The following ARHGAP22 variants were observed in gnomAD, a reference collection of about 807,000 sequenced individuals.
ARHGAP22 encodes rho GTPase-activating protein 22.
ARHGAP22 carries 48 observed loss-of-function variants against 59.1 expected under a neutral mutation model. The ratio of observed to expected loss-of-function variants is 0.81; its 90% CI spans 0.64 to 1.03. ARHGAP22 has a LOEUF of 1.03. ARHGAP22 is among the 50% of genes least tolerant of loss of function. The probability of loss-of-function intolerance (pLI) is 0.00; values close to 1 mark genes in which losing one functional copy is unlikely to be tolerated. For synonymous variants in ARHGAP22, 445 were observed against 416.4 expected (o/e 1.07, Z -0.84); for missense variants, 1,015 against 958.7 (o/e 1.06, Z -0.78).
rs77141042 is a variant in ARHGAP22 at position 48,590,694 on chromosome 10, C to T, written c.35-7542G>A. Reference sequence around the variant, plus strand: ...GGGCCATCTGGCCTGTGAGGGAGGACGTGGGCTGCACGCCTTCCCAGTCAC... The same window carrying T: ...GGGCCATCTGGCCTGTGAGGGAGGATGTGGGCTGCACGCCTTCCCAGTCAC... On this transcript the variant is annotated intron_variant, in intron 1 of 9. Transcript: ENST00000249601. Among the ~76,000 whole-genome samples, 1,070 of 152,280 alleles carry T rather than the reference C, an allele frequency of 7.0e-3. 9 individuals carry two copies. Among genetic ancestry groups the T allele is most frequent in the African/African-American group, 0.024 (993 of 41,554 alleles).
rs554474941 is a variant in ARHGAP22 at position 48,510,011 on chromosome 10, G to A, written c.323-30247C>T. 5.3e-5 allele frequency among the ~76,000 whole-genome samples: 8 copies of A among 152,320 alleles called. No individual in the cohort carries two copies. The East Asian group carries it at 7.7e-4, about 15-fold the overall frequency. On this transcript the variant is annotated intron_variant, in intron 3 of 9. Transcript: ENST00000249601. ...AATATGAATTTTGGAGTTAGTCAGC[G>A]GTGGGTTCAAACATAGCTTCACCAG...
intron 3 of ARHGAP22, among the ~76,000 whole-genome samples, chr10:48,547,155 G>C (rs755256554): frequency 6.6e-6 from 1 of 152,186 alleles, no homozygotes; most frequent in Admixed American, 6.5e-5. Context: ...TGGCTCCCAG[G>C]CTTGCCTCCC....
intron 3 of ARHGAP22, among the ~76,000 whole-genome samples, chr10:48,517,944 A>G (rs1203303153): frequency 2.0e-5 from 3 of 152,156 alleles, no homozygotes; most frequent in East Asian, 3.8e-4. Context: ...GACAGTCTTG[A>G]GGCCTGCGTG....
Position 48,604,912 on chromosome 10 carries a change from C to T in ARHGAP22, c.-116G>A, listed in dbSNP as rs2060598521. ...TCCTGCTCGTTCGGGGCCCCGTGGC[C>T]GCTGGCGTCACCCGTCAGGCTCCCT... On this transcript the variant is annotated 5_prime_UTR_variant, in exon 1 of 10. Coordinates refer to ENST00000249601, the MANE Select transcript of ARHGAP22 (RefSeq NM_021226.4). 1 of 1,577,964 alleles carries T rather than the reference C, an allele frequency of 6.3e-7. No homozygotes were observed. The highest frequency in any genetic ancestry group is 8.6e-7 in the Non-Finnish European group (1 of 1,165,136).
chr10:48,609,689 C>T (rs2060806629), upstream of ARHGAP22, among the ~76,000 whole-genome samples: 1 of 152,116 alleles, frequency 6.6e-6, no homozygotes, highest in African/African-American at 2.4e-5. Context: ...GGACCTTGTT[C>T]CAGCACCACC....
intron 3 of ARHGAP22, among the ~76,000 whole-genome samples, chr10:48,521,718 T>G (rs777179968): frequency 4.6e-5 from 7 of 152,250 alleles, no homozygotes; most frequent in Non-Finnish European, 8.8e-5. Flanking sequence ...AGACATACTG[T>G]GTTACTGCTA....
At chr10:48,595,088 T>G (rs956753919) in intron 1 of ARHGAP22, among the ~76,000 whole-genome samples, 2 of 152,208 alleles carry the variant, frequency 1.3e-5, no homozygotes, top group African/African-American at 2.4e-5. Flanking sequence ...AGATACTCCC[T>G]GGGGTGAGGC....
At chr10:48,548,484 C>T (rs1019512167) in intron 3 of ARHGAP22, among the ~76,000 whole-genome samples, 6 of 152,212 alleles carry the variant, frequency 3.9e-5, no homozygotes, top group Admixed American at 1.3e-4. Flanking sequence ...TTCCAGAAGA[C>T]GGATTTTAGC....
At chr10:48,516,344 A>G (rs1280995724) in intron 3 of ARHGAP22, among the ~76,000 whole-genome samples, 1 of 152,050 alleles carries the variant, frequency 6.6e-6, no homozygotes, top group African/African-American at 2.4e-5. Context: ...GGGCAACACA[A>G]TGAGACCCCA....
intron 2 of ARHGAP22, among the ~76,000 whole-genome samples, chr10:48,560,786 T>C (rs2057635599): frequency 6.6e-6 from 1 of 152,202 alleles, no homozygotes; most frequent in Admixed American, 6.5e-5. Context: ...CATTTATTAA[T>C]ATGATGAATT....
intron 3 of ARHGAP22, among the ~76,000 whole-genome samples, chr10:48,497,094 A>C (rs1160253435): frequency 6.6e-6 from 1 of 152,042 alleles, no homozygotes; most frequent in African/African-American, 2.4e-5. Context: ...CTGACCTCCT[A>C]GGGGTTTGAC....
intron 4 of ARHGAP22, among the ~76,000 whole-genome samples, chr10:48,464,278 A>G (rs2047435900): frequency 6.6e-6 from 1 of 152,212 alleles, no homozygotes; most frequent in Non-Finnish European, 1.5e-5. Flanking sequence ...AGGGGTGCAG[A>G]GCCTGGGCCA....
chr10:48,653,749 C>T (rs1454978946), upstream of ARHGAP22, among the ~76,000 whole-genome samples: 2 of 152,210 alleles, frequency 1.3e-5, no homozygotes, highest in Non-Finnish European at 2.9e-5. Context: ...AGCAGCCCAT[C>T]CCACGACCTG....
chr10:48,559,667 T>G (rs1232570444), intron 2 of ARHGAP22, among the ~76,000 whole-genome samples: 1 of 152,214 alleles, frequency 6.6e-6, no homozygotes, highest in African/African-American at 2.4e-5. Flanking sequence ...TATTGACCAT[T>G]TGTATTTCTT....
rs757268679 is a variant in ARHGAP22, at chr10:48,453,469, A to C, written c.867-44T>G. ...GCAGTCATCAAAGAAGCAAGTTGTG[A>C]TGCCCAGTCTCCTGTGTGCGGCCTG... On this transcript the variant is annotated intron_variant, in intron 7 of 9. Transcript: ENST00000249601. The C allele has an allele frequency of 1.9e-6, 3 of 1,610,270 alleles. No homozygotes were observed. In the East Asian group the frequency reaches 6.7e-5, roughly 36 times the overall value.
chr10:48,459,809 C>T lies in ARHGAP22; in HGVS notation c.534G>A (p.Gln178=), dbSNP rs138083437. The change falls in exon 5 of 10, where the codon CAG becomes CAA. Residue 178 remains glutamine (Q), a synonymous_variant. Transcript: ENST00000249601. ...GPRLAPLLVE[Q]CVDFIRERGL... ...CGCGCTCCCGGATGAAGTCCACACA[C>T]TGCTCCACCAGCAGGGGCGCCAGGC... 6.2e-7 allele frequency: 1 copy of T among 1,613,798 alleles called. No homozygotes were observed. The highest frequency in any genetic ancestry group is 1.1e-5 in the South Asian group (1 of 91,088).
chr10:48,570,693 C>A (rs7085475), intron 2 of ARHGAP22, among the ~76,000 whole-genome samples: 58,735 of 152,030 alleles, frequency 0.39, 12,787 homozygotes, highest in East Asian at 0.89. Flanking sequence ...TCAGACTCTT[C>A]AGGGCTTCTC....
intron 1 of ARHGAP22, among the ~76,000 whole-genome samples, chr10:48,599,763 A>C (rs2060273049): frequency 6.6e-6 from 1 of 152,098 alleles, no homozygotes; most frequent in Non-Finnish European, 1.5e-5. Context: ...GCTGACTTTC[A>C]GGGGAACAAA....
At chr10:48,505,979 A>C (rs892233907) in intron 3 of ARHGAP22, among the ~76,000 whole-genome samples, 2 of 152,098 alleles carry the variant, frequency 1.3e-5, no homozygotes, top group African/African-American at 4.8e-5. Flanking sequence ...GAACCACAAA[A>C]TCTATAGGCA....
Sources: gnomAD v4.1 joint callset for allele counts (sites outside exome capture counted in the v4.1 genomes callset) on GRCh38, gnomAD v4.1.1 for gene constraint, MANE v1.5 for transcripts, NCBI Gene and HGNC (gene_info 2026-07-23, HGNC 2026-07-21) for gene names.